ST6GALNAC5: variants seen among roughly 807,000 people sequenced by gnomAD.
ST6GALNAC5 encodes the protein ST6 N-acetylgalactosaminide alpha-2,6-sialyltransferase 5.
Under a neutral mutation model 33.6 loss-of-function variants are expected in ST6GALNAC5, and 27 were observed. The ratio of observed to expected loss-of-function variants is 0.80; its 90% CI spans 0.59 to 1.11. The LOEUF is 1.11. Among genes scored for constraint, ST6GALNAC5 ranks in the 50% least tolerant of loss-of-function variants. ST6GALNAC5 has a pLI of 0.00. For missense variants in ST6GALNAC5, 428 were observed against 454.0 expected, an observed-to-expected ratio of 0.94 and a Z score of 0.52; for synonymous variants, 194 against 171.2, an observed-to-expected ratio of 1.13 and a Z score of -1.04.
rs1021398071 is a variant in ST6GALNAC5, at chr1:76,868,732, C to T, written c.251C>T (p.Ala84Val). 6 of 1,509,038 alleles carry T rather than the reference C, an allele frequency of 4.0e-6. No individual in the cohort carries two copies. The highest frequency in any genetic ancestry group is 5.3e-6 in the Non-Finnish European group (6 of 1,131,590). The allele number at this position is 1,509,038 out of a possible 1,614,324, so 93.5% of individuals were successfully genotyped here. ...PRPLDGYLGV[A>V]DHKPLKMHCR... The stretch of plus-strand genomic sequence containing the variant: ...CCACTGGACGGATACCTCGGAGTGG[C>T]GGACCACAAGGTGACAGCATGCCCG... Residue 84 changes from alanine to valine, a missense_variant, in exon 2 of 5, where the codon GCG becomes GTG. Transcript: ENST00000477717. This position sits in a 1 kb window ranked among gnomAD's most constrained non-coding sequence, Gnocchi z 4.3.
intron 2 of ST6GALNAC5, among the ~76,000 whole-genome samples, chr1:76,972,517 C>CTTTATTTTT (rs2100367229): frequency 6.6e-6 from 1 of 152,198 alleles, no homozygotes; most frequent in East Asian, 1.9e-4. Context: ...ATAGAAAAAT[C>CTTTATTTTT]TTTATTTTTT....
chr1:76,989,501 G>T (rs539455015), intron 2 of ST6GALNAC5, among the ~76,000 whole-genome samples: 1 of 150,856 alleles, frequency 6.6e-6, no homozygotes, highest in South Asian at 2.1e-4. Flanking sequence ...TTTTACAGAA[G>T]GATATACTTT....
chr1:76,897,597 G>C (rs902080111), intron 2 of ST6GALNAC5, among the ~76,000 whole-genome samples: 2 of 152,004 alleles, frequency 1.3e-5, no homozygotes, highest in African/African-American at 4.8e-5. Context: ...GGGAGTAGAG[G>C]TATCTTATAC....
Position 77,005,714 on chromosome 1 carries a change from TTC to T in ST6GALNAC5, c.262-38485_262-38484del, listed in dbSNP as rs2100417576. On this transcript the variant is annotated intron_variant, in intron 2 of 4. Coordinates refer to ENST00000477717, the MANE Select transcript of ST6GALNAC5 (RefSeq NM_030965.3). ...TAAACAGTAGCTGTCCATTTCCCTC[TTC>T]TCTCAGCCCTTGGTAACCACTATTC... Among the ~76,000 whole-genome samples the T allele has an allele frequency of 2.0e-5, 3 of 152,312 alleles. No homozygotes were observed. In the South Asian group the frequency reaches 6.2e-4, roughly 32 times the overall value.
At chr1:76,991,526 A>G (rs1392319027) in intron 2 of ST6GALNAC5, among the ~76,000 whole-genome samples, 1 of 152,204 alleles carries the variant, frequency 6.6e-6, no homozygotes. Flanking sequence ...TTCAATTTGC[A>G]TGAACAGGCC....
At chr1:76,893,268 G>A (rs1654051707) in intron 2 of ST6GALNAC5, among the ~76,000 whole-genome samples, 1 of 152,068 alleles carries the variant, frequency 6.6e-6, no homozygotes, top group South Asian at 2.1e-4. Flanking sequence ...GACAAATTTG[G>A]ATTTCATATG....
chr1:77,002,010 G>A (rs1191912782), intron 2 of ST6GALNAC5, among the ~76,000 whole-genome samples: 3 of 152,176 alleles, frequency 2.0e-5, no homozygotes, highest in African/African-American at 7.2e-5. Flanking sequence ...CTCATAAAAT[G>A]AGTTAGGAAG....
chr1:76,906,568 C>A (rs1646865887), intron 2 of ST6GALNAC5, among the ~76,000 whole-genome samples: 1 of 152,014 alleles, frequency 6.6e-6, no homozygotes, highest in Non-Finnish European at 1.5e-5. Flanking sequence ...TTAAATAGTA[C>A]TCCTTCTATA....
chr1:77,042,944 G>A (rs1235322389), intron 2 of ST6GALNAC5, among the ~76,000 whole-genome samples: 2 of 152,172 alleles, frequency 1.3e-5, no homozygotes, highest in Non-Finnish European at 2.9e-5. Context: ...TCCCAGAGCT[G>A]ATGCTTTGAG....
chr1:77,003,458 G>A (rs1474292799), intron 2 of ST6GALNAC5, among the ~76,000 whole-genome samples: 9 of 150,244 alleles, frequency 6.0e-5, no homozygotes, highest in East Asian at 4.0e-4. Flanking sequence ...TTGCCAGTCT[G>A]TGTCTTTTAA....
chr1:76,933,071 G>A (rs1409472078), intron 2 of ST6GALNAC5, among the ~76,000 whole-genome samples: 1 of 151,998 alleles, frequency 6.6e-6, no homozygotes, highest in Non-Finnish European at 1.5e-5. Flanking sequence ...ATTTCTTAGA[G>A]GTAGCTTTTT....
chr1:77,061,510 C>T (rs1468226550), intron 4 of ST6GALNAC5, among the ~76,000 whole-genome samples: 1 of 152,144 alleles, frequency 6.6e-6, no homozygotes, highest in Non-Finnish European at 1.5e-5. Context: ...CCCAGGTGAC[C>T]AAAGTGGGAA....
intron 2 of ST6GALNAC5, among the ~76,000 whole-genome samples, chr1:77,020,416 G>C (rs1651009398): frequency 6.6e-6 from 1 of 152,006 alleles, no homozygotes; most frequent in Non-Finnish European, 1.5e-5. Flanking sequence ...TGGGGAGTGT[G>C]GGGATACAGG....
Position 77,035,628 on chromosome 1 carries a change from G to A in ST6GALNAC5, c.262-8576G>A, listed in dbSNP as rs562567026. 4.3e-4 allele frequency among the ~76,000 whole-genome samples: 65 copies of A among 152,256 alleles called. No individual in the cohort carries two copies. In the South Asian group the frequency reaches 0.012, roughly 29 times the overall value. ...GGGTGGAGGGTGGGGCATAGTAGAT[G>A]CAATTGAAAGCCTGAGAATAATGGC... On this transcript the variant is annotated intron_variant, in intron 2 of 4. Coordinates refer to ENST00000477717, the MANE Select transcript of ST6GALNAC5 (RefSeq NM_030965.3).
At chr1:77,019,418 T>C (rs544718562) in intron 2 of ST6GALNAC5, among the ~76,000 whole-genome samples, 1 of 152,340 alleles carries the variant, frequency 6.6e-6, no homozygotes, top group Admixed American at 6.5e-5. Flanking sequence ...CATCATATTG[T>C]GGTGTGAGAC....
At chr1:76,986,405 A>G (rs543240750) in intron 2 of ST6GALNAC5, among the ~76,000 whole-genome samples, 82 of 152,378 alleles carry the variant, frequency 5.4e-4, no homozygotes, top group African/African-American at 2.0e-3. Flanking sequence ...CAACAGACAC[A>G]TGAAAAAATG....
chr1:77,050,133 C>A, intron 3 of ST6GALNAC5, 125 bp from the exon 4 acceptor site: 1 of 707,456 alleles, frequency 1.4e-6, no homozygotes, highest in Non-Finnish European at 2.5e-6. Context: ...CAGATATTTA[C>A]CAAATGGAGG....
chr1:76,921,418 A>T (rs1647033557), intron 2 of ST6GALNAC5, among the ~76,000 whole-genome samples: 1 of 152,168 alleles, frequency 6.6e-6, no homozygotes, highest in African/African-American at 2.4e-5. Flanking sequence ...CAAAAAAATG[A>T]TTCTTAAAAA....
chr1:77,022,121 T>C (rs1651074929), intron 2 of ST6GALNAC5, among the ~76,000 whole-genome samples: 2 of 152,230 alleles, frequency 1.3e-5, no homozygotes. Context: ...AGGAGAGTAG[T>C]GTTTTAATTA....
Sources: gnomAD v4.1 joint callset for allele counts (sites outside exome capture counted in the v4.1 genomes callset) on GRCh38, gnomAD v4.1.1 for gene constraint, Gnocchi (gnomAD v3.1) non-coding constraint, MANE v1.5 for transcripts, NCBI Gene and HGNC (gene_info 2026-07-23, HGNC 2026-07-21) for gene names.